DIDO1: variants seen among roughly 807,000 people sequenced by gnomAD.
DIDO1 encodes death inducer-obliterator 1.
In DIDO1, 16 loss-of-function variants were observed where a neutral mutation model predicts 99.4. That is an observed-to-expected ratio of 0.16 (90% confidence interval 0.11 to 0.24). DIDO1 has a LOEUF of 0.24. Among genes scored for constraint, DIDO1 ranks in the 10% least tolerant of loss-of-function variants. DIDO1 has a pLI of 1.00. For missense variants in DIDO1, 2,996 were observed against 3,014.0 expected (o/e 0.99, Z 0.14); for synonymous variants, 1,366 against 1,239.1 (o/e 1.10, Z -2.15).
At chr20:62,916,716 A>G (rs75665491) in intron 1 of DIDO1, among the ~76,000 whole-genome samples, 73 of 152,288 alleles carry the variant, frequency 4.8e-4, no homozygotes, top group African/African-American at 1.8e-3. Flanking sequence ...CAGCTAAAAC[A>G]TGTCATCAAA....
In DIDO1 at chr20:62,905,461, G is replaced by A. The variant is rs540575628; in HGVS notation, c.1588+426C>T. ...GAAGTGATGCTTTCATGTGCTGGCC[G>A]TGGACAATGTGGAAAAACTGAAGCG... On this transcript the variant is annotated intron_variant, in intron 6 of 15. Coordinates refer to ENST00000395343, the MANE Select transcript of DIDO1 (RefSeq NM_001193369.2). 173 of 1,538,832 alleles carry A rather than the reference G, an allele frequency of 1.1e-4. No individual in the cohort carries two copies. In the African/African-American group the frequency reaches 1.5e-3, roughly 13 times the overall value.
At chr20:62,905,848 G>T in intron 6 of DIDO1, 39 bp downstream of exon 6, 1 of 1,614,074 alleles carries the variant, frequency 6.2e-7, no homozygotes, top group Non-Finnish European at 8.5e-7. Flanking sequence ...CAGAAAGAAC[G>T]GGAGGGGTCC....
rs568787597 is a variant in DIDO1, at chr20:62,914,307, G to C, written c.-100C>G. 62 of 152,126 alleles carry C rather than the reference G, an allele frequency of 4.1e-4. No individual in the cohort carries two copies. The highest frequency in any genetic ancestry group is 1.4e-3 in the African/African-American group (57 of 41,534). The allele number at this position is 152,126 out of a possible 1,614,324, so 9.4% of individuals were successfully genotyped here. On this transcript the variant is annotated 5_prime_UTR_variant, in exon 2 of 16. Transcript: ENST00000395343. The stretch of plus-strand genomic sequence containing the variant: ...ACCTCTGGGTCCAAGCAGACAGCCA[G>C]GCTCACAACAACACTGTTGTCAGCC...
intron 1 of DIDO1, among the ~76,000 whole-genome samples, chr20:62,937,492 G>A (rs1327057302): frequency 6.6e-6 from 1 of 152,264 alleles, no homozygotes; most frequent in Non-Finnish European, 1.5e-5. Context: ...CTTCGGCGTA[G>A]CCCATGGGAG....
In DIDO1 at chr20:62,894,081, G is replaced by C. The variant is rs1355538081; in HGVS notation, c.2686C>G (p.Pro896Ala). 6.2e-7 allele frequency: 1 copy of C among 1,614,132 alleles called. No homozygotes were observed. The highest frequency in any genetic ancestry group is 1.3e-5 in the African/African-American group (1 of 74,942). ...KHDSSAPDPA[P>A]DSADEVMPEA... ...GGCATCACCTCATCAGCTGAATCCG[G>C]AGCTGGGTCAGGTGCAGAGCTGTCA... Residue 896 changes from proline (P) to alanine (A), a missense_variant, in exon 12 of 16, where the codon CCG becomes GCG. Physicochemically the swap from Pro to Ala is conservative, Grantham distance 27. This residue lies in a region of DIDO1 where 898 missense variants were observed against 972.7 expected (regional missense o/e 0.92). Transcript: ENST00000395343. This position sits in a 1 kb window ranked among gnomAD's most constrained non-coding sequence, Gnocchi z 4.4.
chr20:62,885,146 T>C (rs373387076), intron 15 of DIDO1, among the ~76,000 whole-genome samples: 2 of 152,252 alleles, frequency 1.3e-5, no homozygotes, highest in African/African-American at 4.8e-5. Context: ...TGAAGGGCAC[T>C]GAGGCTCAGG....
In DIDO1 at chr20:62,896,610, T is replaced by C. The variant is rs561079559; in HGVS notation, c.1975A>G (p.Met659Val). 9.3e-6 allele frequency: 15 copies of C among 1,613,210 alleles called. No individual in the cohort carries two copies. The highest frequency in any genetic ancestry group is 5.0e-5 in the Admixed American group (3 of 59,858). The change falls in exon 7 of 16, where the codon ATG (methionine) becomes GTG (valine). Residue 659 changes from methionine (M) to valine (V), a missense_variant. Coordinates refer to ENST00000395343, the MANE Select transcript of DIDO1 (RefSeq NM_001193369.2). The surrounding 1 kb of genome is among the most constrained non-coding windows in gnomAD (Gnocchi z 4.4). The stretch of plus-strand genomic sequence containing the variant: ...TTTGGCTGCGATGGTGCAGCACTCA[T>C]AGCCCCAAGGCGTCCTGGGGCTGGC... ...ASPAPGRLGA[M>V]SAAPSQPNSQ...
intron 1 of DIDO1, among the ~76,000 whole-genome samples, chr20:62,915,421 A>G (rs2065020459): frequency 6.6e-6 from 1 of 152,254 alleles, no homozygotes; most frequent in South Asian, 2.1e-4. Context: ...TCAAGAATTC[A>G]GAAACGACTG....
rs1283187471 is a variant in DIDO1, at chr20:62,914,360, T to A, written c.-153A>T. 6.6e-6 allele frequency: 1 copy of A among 152,192 alleles called. No homozygotes were observed. Among genetic ancestry groups the A allele is most frequent in the Non-Finnish European group, 1.5e-5 (1 of 68,032 alleles). The allele number at this position is 152,192 out of a possible 1,614,324, so 9.4% of individuals were successfully genotyped here. ...TGTTCACGAGTAACAGGCTTCGTAT[T>A]TTCAACAACTCAGATTATCTAGAGG... On this transcript the variant is annotated 5_prime_UTR_variant, in exon 2 of 16. Coordinates refer to ENST00000395343, the MANE Select transcript of DIDO1 (RefSeq NM_001193369.2).
chr20:62,911,291 C>T lies in DIDO1; in HGVS notation c.322G>A (p.Glu108Lys), dbSNP rs1283157274. Residue 108 changes from glutamate (E) to lysine (K), a missense_variant, in exon 3 of 16, where the codon GAG becomes AAG. Transcript: ENST00000395343. The surrounding 1 kb of genome is among the most constrained non-coding windows in gnomAD (Gnocchi z 7.0). ...EPTSCPATDA[E>K]TASEGSVESA... ...TCCACGCTGCCCTCGGAGGCTGTCT[C>T]GGCGTCTGTGGCGGGGCAGGACGTG... 2.8e-5 allele frequency: 45 copies of T among 1,611,712 alleles called. No individual in the cohort carries two copies. Among genetic ancestry groups the T allele is most frequent in the Non-Finnish European group, 3.6e-5 (42 of 1,180,018 alleles).
chr20:62,901,488 T>C (rs113507559), intron 6 of DIDO1, among the ~76,000 whole-genome samples: 131 of 152,246 alleles, frequency 8.6e-4, no homozygotes, highest in African/African-American at 3.0e-3. Flanking sequence ...CCCACACGAG[T>C]AATTTAACCT....
At chr20:62,883,220 G>A (rs2064242413) in intron 15 of DIDO1, among the ~76,000 whole-genome samples, 2 of 151,322 alleles carry the variant, frequency 1.3e-5, no homozygotes, top group Admixed American at 6.6e-5. Flanking sequence ...CACCGCACCC[G>A]GACCCCTTTT....
intron 1 of DIDO1, among the ~76,000 whole-genome samples, chr20:62,914,708 C>T (rs966468594): frequency 1.3e-5 from 2 of 152,152 alleles, no homozygotes; most frequent in Non-Finnish European, 2.9e-5. Context: ...AGAGAGGAGT[C>T]GCCAAGCATC....
intron 5 of DIDO1, 64 bp downstream of exon 5, chr20:62,907,083 T>C: frequency 6.4e-7 from 1 of 1,564,062 alleles, no homozygotes; most frequent in Non-Finnish European, 8.8e-7. Context: ...AACCAACAGT[T>C]CTGCGACAAA....
At chr20:62,918,917 CTT>C (rs1309679657) in intron 1 of DIDO1, among the ~76,000 whole-genome samples, 1 of 152,158 alleles carries the variant, frequency 6.6e-6, no homozygotes, top group Non-Finnish European at 1.5e-5. Context: ...ATGAAAGACT[CTT>C]GATAGCTCAG....
chr20:62,936,409 G>C (rs193129509), intron 1 of DIDO1, among the ~76,000 whole-genome samples: 349 of 152,250 alleles, frequency 2.3e-3, no homozygotes, highest in Non-Finnish European at 3.5e-3. Context: ...AAAATAAGTA[G>C]CCGGGCGTGG....
At position 62,879,236 on chromosome 20, in the gene DIDO1, G is replaced by T; in HGVS notation, c.6720C>A (p.Ala2240=). Residue 2240 remains alanine, a synonymous_variant, in exon 16 of 16, where the codon GCC becomes GCA. Transcript: ENST00000395343. This position sits in a 1 kb window ranked among gnomAD's most constrained non-coding sequence, Gnocchi z 6.3. ...GGTCTCTGCCCGGCCGGGGCGTCTA[G>T]GCCTGCGAGGCGGTGCCAGCGTCGG... The part of the protein sequence containing the change: ...RASDAGTASQ[A] 1 of 1,520,314 alleles carries T rather than the reference G, an allele frequency of 6.6e-7. No homozygotes were observed. The highest frequency in any genetic ancestry group is 8.8e-7 in the Non-Finnish European group (1 of 1,139,144). The allele number at this position is 1,520,314 out of a possible 1,614,324, so 94.2% of individuals were successfully genotyped here. A position where few individuals can be genotyped will look rare whatever the true frequency, so the allele number is the denominator to read the frequency against.
In DIDO1 at chr20:62,896,497, T is replaced by A. The variant is rs778821870; in HGVS notation, c.2054+34A>T. 28 of 1,579,148 alleles carry A rather than the reference T, an allele frequency of 1.8e-5. No individual in the cohort carries two copies. The highest frequency in any genetic ancestry group is 2.4e-5 in the Non-Finnish European group (28 of 1,165,836). The stretch of plus-strand genomic sequence containing the variant: ...CACACTCTAATGAAAGCCCTTCCAT[T>A]TTAATGGGTAAGAAATCAAGCAGAA... On this transcript the variant is annotated intron_variant, in intron 7 of 15. Coordinates refer to ENST00000395343, the MANE Select transcript of DIDO1 (RefSeq NM_001193369.2). The surrounding 1 kb of genome is among the most constrained non-coding windows in gnomAD (Gnocchi z 4.4).
intron 14 of DIDO1, 121 bp from the exon 15 acceptor site, chr20:62,891,276 T>A: frequency 6.7e-7 from 1 of 1,481,620 alleles, no homozygotes; most frequent in Non-Finnish European, 9.0e-7. Flanking sequence ...AGCCACGATC[T>A]CACAGAGCTG....
Sources: gnomAD v4.1 joint callset for allele counts (sites outside exome capture counted in the v4.1 genomes callset) on GRCh38, gnomAD v4.1.1 for gene constraint, gnomAD v4.1.1 regional missense constraint, Gnocchi (gnomAD v3.1) non-coding constraint, MANE v1.5 for transcripts, NCBI Gene and HGNC (gene_info 2026-07-23, HGNC 2026-07-21) for gene names.